MRPS27: variants seen among roughly 807,000 people sequenced by gnomAD.
The protein encoded by MRPS27 is small ribosomal subunit protein mS27.
Under a neutral mutation model 48.9 loss-of-function variants are expected in MRPS27, and 43 were observed. The observed-to-expected ratio is 0.88, with a 90% CI of 0.69 to 1.13. MRPS27 has a LOEUF of 1.13. Among genes scored for constraint, MRPS27 ranks in the 50% most tolerant of loss-of-function variants. The pLI is 0.00. For missense variants in MRPS27, 467 were observed against 476.3 expected, an observed-to-expected ratio of 0.98 and a Z score of 0.18; for synonymous variants, 188 against 171.9, an observed-to-expected ratio of 1.09 and a Z score of -0.73.
intron 2 of MRPS27, among the ~76,000 whole-genome samples, chr5:72,311,686 AT>A (rs1372520283): frequency 6.6e-6 from 1 of 152,218 alleles, no homozygotes; most frequent in East Asian, 1.9e-4. Context: ...CTCTCACCAG[AT>A]GCCACCCCTC....
chr5:72,290,614 A>G (rs1749792067), intron 4 of MRPS27, among the ~76,000 whole-genome samples: 1 of 152,208 alleles, frequency 6.6e-6, no homozygotes. Context: ...TCAGTAAAAT[A>G]AAGATGCAAA....
At chr5:72,275,746 C>T (rs1749357191) in intron 4 of MRPS27, among the ~76,000 whole-genome samples, 1 of 152,198 alleles carries the variant, frequency 6.6e-6, no homozygotes, top group Non-Finnish European at 1.5e-5. Context: ...TAATGCAAGT[C>T]CTGCCCCTGT....
intron 6 of MRPS27, among the ~76,000 whole-genome samples, chr5:72,233,708 A>G (rs1748119774): frequency 6.6e-6 from 1 of 152,130 alleles, no homozygotes. Context: ...ACAAACAAAC[A>G]AGCCAGTAAT....
chr5:72,317,768 A>G (rs1332188561), intron 1 of MRPS27, among the ~76,000 whole-genome samples: 1 of 152,104 alleles, frequency 6.6e-6, no homozygotes, highest in African/African-American at 2.4e-5. Context: ...GCTCACTGCA[A>G]CCTTTGCCTC....
intron 4 of MRPS27, among the ~76,000 whole-genome samples, chr5:72,244,877 CT>C (rs1748469072): frequency 7.5e-6 from 1 of 133,764 alleles, no homozygotes; most frequent in Non-Finnish European, 1.6e-5. Context: ...GCTGCTCTCT[CT>C]CTCTCTCTCT....
At chr5:72,262,082 C>T (rs1467702397) in intron 4 of MRPS27, among the ~76,000 whole-genome samples, 2 of 152,210 alleles carry the variant, frequency 1.3e-5, no homozygotes, top group African/African-American at 2.4e-5. Context: ...ATGCACGTGA[C>T]ATTCCCTAAC....
intron 4 of MRPS27, among the ~76,000 whole-genome samples, chr5:72,260,650 T>C (rs949138183): frequency 6.6e-5 from 10 of 152,156 alleles, no homozygotes; most frequent in Admixed American, 3.3e-4. Flanking sequence ...CAAGTGGCCA[T>C]TGATTGACAC....
chr5:72,269,432 T>C (rs555163546), intron 4 of MRPS27, among the ~76,000 whole-genome samples: 7 of 152,330 alleles, frequency 4.6e-5, no homozygotes, highest in East Asian at 1.9e-4. Context: ...CTGTTAAACA[T>C]AGTTTGAGAA....
intron 4 of MRPS27, among the ~76,000 whole-genome samples, chr5:72,239,843 C>T (rs1580061528): frequency 6.6e-6 from 1 of 152,118 alleles, no homozygotes; most frequent in African/African-American, 2.4e-5. Flanking sequence ...CTATGCTCAG[C>T]TTATTTTTTG....
intron 7 of MRPS27, among the ~76,000 whole-genome samples, chr5:72,231,352 A>C (rs1475089531): frequency 6.6e-6 from 1 of 152,126 alleles, no homozygotes; most frequent in African/African-American, 2.4e-5. Flanking sequence ...CCTAAGAAAT[A>C]TTTCCTTAAG....
chr5:72,223,555 T>C, intron 10 of MRPS27, 128 bp downstream of exon 10: 3 of 1,157,502 alleles, frequency 2.6e-6, no homozygotes, highest in Non-Finnish European at 3.7e-6. Flanking sequence ...AATAAAAATG[T>C]AATTTTTGAT....
intron 4 of MRPS27, chr5:72,241,587 GACTTTTCA>G: frequency 6.9e-7 from 1 of 1,452,594 alleles, no homozygotes; most frequent in East Asian, 2.5e-5. Context: ...TAAATGTGGG[GACTTTTCA>G]ACTTCCAGTA....
chr5:72,223,919 A>G, intron 9 of MRPS27, 69 bp from the exon 10 acceptor site: 1 of 1,498,154 alleles, frequency 6.7e-7, no homozygotes, highest in Non-Finnish European at 9.1e-7. Flanking sequence ...AAGAAAGGCT[A>G]GAGAAGGCGA....
At chr5:72,299,920 A>G (rs1370964219) in intron 2 of MRPS27, among the ~76,000 whole-genome samples, 1 of 152,230 alleles carries the variant, frequency 6.6e-6, no homozygotes, top group East Asian at 1.9e-4. Context: ...CCAGGTTACT[A>G]GCATCTGTGC....
At chr5:72,223,880 A>T in intron 9 of MRPS27, 30 bp from the exon 10 acceptor site, 1 of 1,606,704 alleles carries the variant, frequency 6.2e-7, no homozygotes, top group Non-Finnish European at 8.5e-7. Flanking sequence ...TCAGCAACCA[A>T]ATGTTTTATG....
chr5:72,220,756 C>T lies in MRPS27; in HGVS notation c.*153G>A. On this transcript the variant is annotated 3_prime_UTR_variant, in exon 11 of 11. Coordinates refer to ENST00000261413, the MANE Select transcript of MRPS27 (RefSeq NM_015084.3). The stretch of plus-strand genomic sequence containing the variant: ...TAGCCCTTCTTGGCATCTCGATGGG[C>T]AGTCATGGTGCCTTGCCATGTAGGG... The T allele has an allele frequency of 8.9e-7, 1 of 1,125,438 alleles. No homozygotes were observed. Among genetic ancestry groups the T allele is most frequent in the East Asian group, 2.4e-5 (1 of 41,926 alleles). The allele number at this position is 1,125,438 out of a possible 1,614,324, so 69.7% of individuals were successfully genotyped here.
chr5:72,245,167 C>A (rs992423119), intron 4 of MRPS27, among the ~76,000 whole-genome samples: 34 of 152,188 alleles, frequency 2.2e-4, no homozygotes, highest in African/African-American at 7.5e-4. Flanking sequence ...ACTTCTCCAG[C>A]CTCTCTAAAG....
At chr5:72,265,582 G>A (rs1749088067) in intron 4 of MRPS27, among the ~76,000 whole-genome samples, 2 of 152,182 alleles carry the variant, frequency 1.3e-5, no homozygotes. Context: ...GTGACATCAA[G>A]AACAGGACTG....
intron 2 of MRPS27, among the ~76,000 whole-genome samples, chr5:72,299,040 T>C (rs1003282326): frequency 6.6e-6 from 1 of 152,062 alleles, no homozygotes; most frequent in East Asian, 1.9e-4. Flanking sequence ...ATACCACATG[T>C]TCTCATTTAC....
Sources: gnomAD v4.1 joint callset for allele counts (sites outside exome capture counted in the v4.1 genomes callset) on GRCh38, gnomAD v4.1.1 for gene constraint, MANE v1.5 for transcripts, NCBI Gene and HGNC (gene_info 2026-07-23, HGNC 2026-07-21) for gene names.